The following MEG3 variants were observed in gnomAD, a reference collection of about 807,000 sequenced individuals.
MEG3 encodes the protein maternally expressed 3, also known as Very putative protein from MEG3 locus.
intron 2 of MEG3, among the ~76,000 whole-genome samples, chr14:100,844,466 T>C (rs145965486): frequency 0.019 from 2,645 of 142,370 alleles, 45 homozygotes; most frequent in Admixed American, 0.048. Context: ...ATTTTTTAAA[T>C]GAATAAACTT....
upstream of MEG3, chr14:100,854,276 G>T (rs2038173220): frequency 6.6e-6 from 1 of 152,152 alleles, no homozygotes; most frequent in Non-Finnish European, 1.5e-5. Context: ...ACCTATGTTT[G>T]TTAACAAATT....
chr14:100,860,866 C>T, exon 2 of MEG3: 1 of 359,356 alleles, frequency 2.8e-6, no homozygotes, highest in Non-Finnish European at 5.5e-6. Context: ...ACCCTGAGGC[C>T]TAGGGGAGCT....
At chr14:100,840,513 AAAG>A (rs2037721544) in intron 2 of MEG3, among the ~76,000 whole-genome samples, 1 of 152,172 alleles carries the variant, frequency 6.6e-6, no homozygotes, top group East Asian at 1.9e-4. Context: ...TTCCAGATGA[AAAG>A]AAGAAAACGT....
At chr14:100,860,433 G>C (rs1488128848) in intron 1 of MEG3, 5 of 356,934 alleles carry the variant, frequency 1.4e-5, no homozygotes, top group Non-Finnish European at 2.2e-5. Flanking sequence ...GTCAGGACTA[G>C]AGTGATGCTT....
At chr14:100,843,700 C>G (rs758204191) in intron 2 of MEG3, among the ~76,000 whole-genome samples, 19 of 152,168 alleles carry the variant, frequency 1.2e-4, no homozygotes, top group Non-Finnish European at 2.5e-4. Flanking sequence ...GAGGCAGAGG[C>G]AGCAGGGGTG....
chr14:100,839,864 C>T (rs1207326253), intron 2 of MEG3, among the ~76,000 whole-genome samples: 2 of 152,164 alleles, frequency 1.3e-5, no homozygotes, highest in East Asian at 1.9e-4. Flanking sequence ...CTGAGAGGCC[C>T]GTAGGTCTGG....
At chr14:100,855,809 T>A (rs2038225385), upstream of MEG3, 1 of 152,226 alleles carries the variant, frequency 6.6e-6, no homozygotes, top group African/African-American at 2.4e-5. Flanking sequence ...CAAGGCGAGA[T>A]CCCTGAGTCA....
rs28416819 is a variant in MEG3, at chr14:100,840,620, G to T, written n.3045+4320G>T. On this transcript the variant is annotated intron_variant and non_coding_transcript_variant, in intron 2 of 3. Transcript: ENST00000398461. ...TTGTGTGTGTGTCGGGAGCTCCAAGGCTGCACAATGACGCACTTAACCAGC... is the reference window on the plus strand; with the variant it reads ...TTGTGTGTGTGTCGGGAGCTCCAAGTCTGCACAATGACGCACTTAACCAGC... 1.5e-3 allele frequency among the ~76,000 whole-genome samples: 223 copies of T among 152,308 alleles called. 4 individuals carry two copies. The highest frequency in any genetic ancestry group is 5.1e-3 in the African/African-American group (211 of 41,572).
intron 2 of MEG3, among the ~76,000 whole-genome samples, chr14:100,836,772 C>G (rs2037596360): frequency 6.6e-6 from 1 of 152,204 alleles, no homozygotes; most frequent in African/African-American, 2.4e-5. Flanking sequence ...AGCGTCACCC[C>G]CTGTGAGAAC....
At chr14:100,836,535 C>T (rs982135575) in intron 2 of MEG3, among the ~76,000 whole-genome samples, 1 of 152,016 alleles carries the variant, frequency 6.6e-6, no homozygotes, top group African/African-American at 2.4e-5. Flanking sequence ...ATGCTGTGGG[C>T]CGGCGACGGT....
chr14:100,842,668 G>A (rs551591814), intron 2 of MEG3, among the ~76,000 whole-genome samples: 72 of 152,276 alleles, frequency 4.7e-4, no homozygotes, highest in Admixed American at 1.0e-3. Context: ...CATCCTTTTA[G>A]GTCCTTTTGT....
rs1270821684 is a variant in MEG3, at chr14:100,840,495, G to A, written n.3045+4195G>A. On this transcript the variant is annotated intron_variant and non_coding_transcript_variant, in intron 2 of 3. Transcript: ENST00000398461. Reference sequence around the variant, plus strand: ...TGAATGCGCCCTTTCAATGGAAGGTGCCTTTTTTTCCAGATGAAAAGAAGA... The same window carrying A: ...TGAATGCGCCCTTTCAATGGAAGGTACCTTTTTTTCCAGATGAAAAGAAGA... Among the ~76,000 whole-genome samples the A allele has an allele frequency of 4.1e-5, 5 of 123,316 alleles. No individual in the cohort carries two copies. The South Asian group carries it at 1.2e-3, about 28-fold the overall frequency. 80.9% of individuals were successfully genotyped at this position (123,316 alleles called of 152,430 possible).
At chr14:100,841,203 G>C (rs2037748743) in intron 2 of MEG3, among the ~76,000 whole-genome samples, 1 of 152,206 alleles carries the variant, frequency 6.6e-6, no homozygotes, top group African/African-American at 2.4e-5. Context: ...CAGGAGGGGG[G>C]CACAGGTCTC....
intron 2 of MEG3, among the ~76,000 whole-genome samples, chr14:100,838,471 G>A (rs368026063): frequency 2.6e-5 from 4 of 152,186 alleles, no homozygotes; most frequent in Non-Finnish European, 4.4e-5. Flanking sequence ...TGATCTTCTC[G>A]GGAACTGCCG....
chr14:100,845,628 G>A lies in MEG3; in HGVS notation n.3121+95G>A, dbSNP rs1595288890. Reference sequence around the variant, plus strand: ...ACACCGCCAGGCGGACCTCGTGGAGGGGCTGGCGGGCACTGGCCGGGGGTC... The same window carrying A: ...ACACCGCCAGGCGGACCTCGTGGAGAGGCTGGCGGGCACTGGCCGGGGGTC... On this transcript the variant is annotated intron_variant and non_coding_transcript_variant, in intron 3 of 3. Transcript: ENST00000398461. This position sits in a 1 kb window ranked among gnomAD's most constrained non-coding sequence, Gnocchi z 5.2. The A allele has an allele frequency of 5.0e-6, 2 of 399,476 alleles. No homozygotes were observed. The highest frequency in any genetic ancestry group is 5.5e-5 in the Admixed American group (2 of 36,218). The allele number at this position is 399,476 out of a possible 1,614,324, so 24.7% of individuals were successfully genotyped here.
intron 2 of MEG3, among the ~76,000 whole-genome samples, chr14:100,844,474 C>CTGT (rs35474705): frequency 1.7e-4 from 26 of 152,086 alleles, no homozygotes; most frequent in African/African-American, 5.8e-4. Context: ...AATGAATAAA[C>CTGT]TTTTTTTCTG....
intron 2 of MEG3, among the ~76,000 whole-genome samples, chr14:100,842,283 A>G (rs2037783139): frequency 6.6e-6 from 1 of 152,216 alleles, no homozygotes; most frequent in South Asian, 2.1e-4. Flanking sequence ...CAGGCACCAA[A>G]TAGGCCCTAA....
At chr14:100,833,635 T>C (rs2037462230), downstream of MEG3, 1 of 152,340 alleles carries the variant, frequency 6.6e-6, no homozygotes, top group Non-Finnish European at 1.5e-5. Context: ...CTCCTCTTTT[T>C]GTTCTGATCT....
At chr14:100,854,648 A>G (rs1468119120), upstream of MEG3, 1 of 152,204 alleles carries the variant, frequency 6.6e-6, no homozygotes, top group African/African-American at 2.4e-5. Flanking sequence ...AGCTCTTTGA[A>G]CCTCCAAGGT....
Sources: gnomAD v4.1 joint callset for allele counts (sites outside exome capture counted in the v4.1 genomes callset) on GRCh38, gnomAD v4.1.1 for gene constraint, Gnocchi (gnomAD v3.1) non-coding constraint, MANE v1.5 for transcripts, NCBI Gene and HGNC (gene_info 2026-07-23, HGNC 2026-07-21) for gene names.